PGK1: variants seen among roughly 807,000 people sequenced by gnomAD.
PGK1 encodes phosphoglycerate kinase 1, also known as PRP 2.
Under a neutral mutation model 26.9 loss-of-function variants are expected in PGK1, and 3 were observed. The ratio of observed to expected loss-of-function variants is 0.11; its 90% CI spans 0.05 to 0.29. The LOEUF (loss-of-function observed/expected upper bound fraction) is 0.29, where lower values mean the gene tolerates loss of function less well. PGK1 is among the 10% of genes least tolerant of loss of function. The probability of loss-of-function intolerance (pLI) is 1.00; values close to 1 mark genes in which losing one functional copy is unlikely to be tolerated. For synonymous variants in PGK1, 125 were observed against 115.3 expected (o/e 1.08, Z -0.54); for missense variants, 270 against 314.7 (o/e 0.86, Z 1.07).
intron 8 of PGK1, 23 bp downstream of exon 8, chrX:78,123,397 T>A: frequency 8.7e-7 from 1 of 1,144,672 alleles, no homozygotes; most frequent in Admixed American, 2.2e-5. Context: ...AGTGGGTTGG[T>A]AGTGTGAGTG....
At chrX:78,110,650 C>T (rs1180918643) in intron 2 of PGK1, among the ~76,000 whole-genome samples, 2 of 110,059 alleles carry the variant, frequency 1.8e-5, no homozygotes, top group African/African-American at 6.6e-5. Flanking sequence ...GGTTACTTGG[C>T]TTCTCTTGCA....
rs1557247101 is a variant in PGK1, at chrX:78,113,734, T to C, written c.117-10T>C. On this transcript the variant is annotated splice_polypyrimidine_tract_variant and intron_variant, in intron 2 of 10. Transcript: ENST00000373316. ...ACTTCATTCTGTTTGTTGTCTCTCT[T>C]TGGTTGCAGGATTAAGGCTGCTGTC... is the stretch of plus-strand genomic sequence containing the variant. 1 of 1,207,172 alleles carries C rather than the reference T, an allele frequency of 8.3e-7. No homozygotes were observed. The highest frequency in any genetic ancestry group is 1.1e-6 in the Non-Finnish European group (1 of 891,952).
In PGK1 at chrX:78,104,303, C is replaced by G. The variant is rs1386080421; in HGVS notation, c.-38C>G. ...CGTCGGCAGTCGGCTCCCTCGTTGA[C>G]CGAATCACCGACCTCTCTCCCCAGC... On this transcript the variant is annotated 5_prime_UTR_variant, in exon 1 of 11. Transcript: ENST00000373316. 1 of 1,073,255 alleles carries G rather than the reference C, an allele frequency of 9.3e-7. No homozygotes were observed. Among genetic ancestry groups the G allele is most frequent in the Non-Finnish European group, 1.3e-6 (1 of 771,793 alleles). 88.4% of individuals were successfully genotyped at this position (1,073,255 alleles called of 1,213,427 possible).
Position 78,113,895 on chromosome X carries a change from G to A in PGK1, c.268G>A (p.Gly90Ser). 1 of 1,211,342 alleles carries A rather than the reference G, an allele frequency of 8.3e-7. No individual in the cohort carries two copies. Among genetic ancestry groups the A allele is most frequent in the Non-Finnish European group, 1.1e-6 (1 of 895,030 alleles). The change falls in exon 3 of 11, where the codon GGC becomes AGC. Residue 90 changes from glycine (G) to serine (S), a missense_variant. Gly to Ser is a moderately conservative substitution (Grantham distance 56, BLOSUM62 0). Transcript: ENST00000373316. ...TGCTGTAGAACTCAAATCTCTGCTG[G>A]GCAAGTAAGTGCCAGGCTCTGGTGC... ...PVAVELKSLL[G>S]KDVLFLKDCV...
rs1346520088 is a variant in PGK1, at chrX:78,127,647, A to G, written c.*1817A>G. On this transcript the variant is annotated 3_prime_UTR_variant, in exon 11 of 11. Transcript: ENST00000373316. ...GCTTCTAGGCTATAGATGCTTCTAGACTCTATCCCTGACATGATGCTTCTA... is the reference window on the plus strand; with the variant it reads ...GCTTCTAGGCTATAGATGCTTCTAGGCTCTATCCCTGACATGATGCTTCTA... The G allele has an allele frequency of 1.8e-5, 2 of 111,463 alleles. No homozygotes were observed. Among genetic ancestry groups the G allele is most frequent in the Non-Finnish European group, 3.8e-5 (2 of 53,062 alleles). The allele number at this position is 111,463 out of a possible 1,213,427, so 9.2% of individuals were successfully genotyped here. A position where few individuals can be genotyped will look rare whatever the true frequency, so the allele number is the denominator to read the frequency against.
In PGK1 at chrX:78,126,753, T is replaced by C. The variant is rs935104982; in HGVS notation, c.*923T>C. 1 of 105,166 alleles carries C rather than the reference T, an allele frequency of 9.5e-6. No individual in the cohort carries two copies. Among genetic ancestry groups the C allele is most frequent in the Non-Finnish European group, 1.9e-5 (1 of 51,487 alleles). 8.7% of individuals were successfully genotyped at this position (105,166 alleles called of 1,213,427 possible). On this transcript the variant is annotated 3_prime_UTR_variant, in exon 11 of 11. Coordinates refer to ENST00000373316, the MANE Select transcript of PGK1 (RefSeq NM_000291.4). ...TCTCGGTATAGTTTTGTCACAATTA[T>C]AGATTAGATCAAAAGTCTACATAAC... is the stretch of plus-strand genomic sequence containing the variant.
Position 78,125,814 on chromosome X carries a change from C to T in PGK1, c.1238C>T (p.Ala413Val). The T allele has an allele frequency of 1.7e-6, 2 of 1,203,292 alleles. No individual in the cohort carries two copies. Among genetic ancestry groups the T allele is most frequent in the South Asian group, 1.8e-5 (1 of 56,805 alleles). ...GGTAAAGTCCTTCCTGGGGTGGATGCTCTCAGCAATATTTAGTACTTTCCT... is the reference window on the plus strand; with the variant it reads ...GGTAAAGTCCTTCCTGGGGTGGATGTTCTCAGCAATATTTAGTACTTTCCT... ...LEGKVLPGVD[A>V]LSNI Residue 413 changes from alanine (A) to valine (V), a missense_variant, in exon 11 of 11, where the codon GCT (alanine) becomes GTT (valine). Ala to Val is a moderately conservative substitution (Grantham distance 64, BLOSUM62 0). Around this residue, in one of 3 missense-constraint regions of PGK1, gnomAD observed 103 missense variants for 114.6 expected, o/e 0.90. Transcript: ENST00000373316.
chrX:78,120,964 A>G (rs782499749), intron 6 of PGK1, among the ~76,000 whole-genome samples: 2 of 112,502 alleles, frequency 1.8e-5, no homozygotes, highest in Admixed American at 1.9e-4. Context: ...ATCTGAAAAT[A>G]TGAAATCTGA....
chrX:78,105,489 C>T (rs782706591), intron 1 of PGK1, among the ~76,000 whole-genome samples: 3 of 111,478 alleles, frequency 2.7e-5, no homozygotes, highest in Non-Finnish European at 5.6e-5. Context: ...ATTTATTTGG[C>T]TGGTGTAATC....
intron 6 of PGK1, among the ~76,000 whole-genome samples, chrX:78,119,150 T>C (rs1431158717): frequency 2.7e-5 from 3 of 111,649 alleles, no homozygotes; most frequent in Non-Finnish European, 5.7e-5. Context: ...CCATATAATC[T>C]GGCAGGGTAT....
intron 6 of PGK1, among the ~76,000 whole-genome samples, chrX:78,122,534 T>A (rs928433886): frequency 2.8e-5 from 3 of 108,427 alleles, no homozygotes; most frequent in Non-Finnish European, 5.7e-5. Context: ...AAAAAAAGAA[T>A]ATGGATTTAA....
In PGK1 at chrX:78,114,002, C is replaced by T. The variant is rs185602984; in HGVS notation, c.273-14C>T. On this transcript the variant is annotated splice_polypyrimidine_tract_variant and intron_variant, in intron 3 of 10. Coordinates refer to ENST00000373316, the MANE Select transcript of PGK1 (RefSeq NM_000291.4). ...TCATACTGCTCAAGTGTCTTCATCT[C>T]TTCCTCTTCTCAGGGATGTTCTGTT... is the stretch of plus-strand genomic sequence containing the variant. 2 of 1,209,101 alleles carry T rather than the reference C, an allele frequency of 1.7e-6. No individual in the cohort carries two copies. The highest frequency in any genetic ancestry group is 3.5e-5 in the African/African-American group (2 of 57,130).
chrX:78,120,164 T>C (rs1191093039), intron 6 of PGK1, among the ~76,000 whole-genome samples: 1 of 111,734 alleles, frequency 8.9e-6, no homozygotes, highest in African/African-American at 3.3e-5. Context: ...TGGGAAAACT[T>C]TTATATTTTA....
In PGK1 at chrX:78,126,107, A is replaced by G; in HGVS notation, c.*277A>G. 2.6e-6 allele frequency: 1 copy of G among 380,916 alleles called. No homozygotes were observed. Among genetic ancestry groups the G allele is most frequent in the Non-Finnish European group, 4.6e-6 (1 of 216,290 alleles). The allele number at this position is 380,916 out of a possible 1,213,427, so 31.4% of individuals were successfully genotyped here. On this transcript the variant is annotated 3_prime_UTR_variant, in exon 11 of 11. Transcript: ENST00000373316. Reference sequence around the variant, plus strand: ...TATTTATATTTTGCCTGTTAAAAAGAAAGTGAGCAGTGTTAGCTTAGTTCT... The same window carrying G: ...TATTTATATTTTGCCTGTTAAAAAGGAAGTGAGCAGTGTTAGCTTAGTTCT...
chrX:78,107,853 A>AGT (rs1271260414), intron 1 of PGK1, among the ~76,000 whole-genome samples: 2 of 110,875 alleles, frequency 1.8e-5, no homozygotes, highest in Non-Finnish European at 1.9e-5. Flanking sequence ...TTGAGTAATC[A>AGT]GTTTCTCTGC....
Position 78,104,347 on chromosome X carries a change from C to T in PGK1, c.7C>T (p.Leu3Phe). Reference protein sequence around the residue: MSLSNKLTLDKLD... With the variant: MSFSNKLTLDKLD... ...CCCCAGCTGTATTTCCAAAATGTCG[C>T]TTTCTAACAAGCTGACGCTGGACAA... Residue 3 changes from leucine (L) to phenylalanine (F), a missense_variant, in exon 1 of 11, where the codon CTT (leucine) becomes TTT (phenylalanine). Transcript: ENST00000373316. 2 of 1,204,715 alleles carry T rather than the reference C, an allele frequency of 1.7e-6. No homozygotes were observed. The highest frequency in any genetic ancestry group is 2.2e-6 in the Non-Finnish European group (2 of 888,919).
intron 1 of PGK1, among the ~76,000 whole-genome samples, chrX:78,107,509 A>G (rs1204159161): frequency 1.8e-5 from 2 of 112,519 alleles, no homozygotes; most frequent in African/African-American, 6.5e-5. Context: ...TTTTGGGATT[A>G]ACTTTTTTCA....
chrX:78,123,102 A>T (rs1482446854), intron 7 of PGK1, 93 bp from the exon 8 acceptor site: 2 of 770,587 alleles, frequency 2.6e-6, no homozygotes, highest in Non-Finnish European at 4.0e-6. Flanking sequence ...TTGTTCCTTT[A>T]TATTGTATTG....
rs1199361543 is a variant in PGK1, at chrX:78,114,124, G to A, written c.381G>A (p.Glu127=). 1 of 1,209,467 alleles carries A rather than the reference G, an allele frequency of 8.3e-7. No homozygotes were observed. Among genetic ancestry groups the A allele is most frequent in the Non-Finnish European group, 1.1e-6 (1 of 894,679 alleles). Residue 127 remains glutamate, a synonymous_variant, in exon 4 of 11, where the codon GAG becomes GAA. Transcript: ENST00000373316. ...TGGAGAACCTCCGCTTTCATGTGGA[G>A]GAAGAAGGGAAGGGAAAAGATGCTT... ...ILLENLRFHV[E]EEGKGKDASG... is the part of the protein sequence containing the mutation.
Sources: gnomAD v4.1 joint callset for allele counts (sites outside exome capture counted in the v4.1 genomes callset) on GRCh38, gnomAD v4.1.1 for gene constraint, gnomAD v4.1.1 regional missense constraint, MANE v1.5 for transcripts, NCBI Gene and HGNC (gene_info 2026-07-23, HGNC 2026-07-21) for gene names.